Variants in GPR35 observed in about 807,000 individuals in gnomAD.
GPR35 encodes the protein KYNA receptor.
For synonymous variants in GPR35, 207 were observed against 198.4 expected (o/e 1.04, Z -0.36); for missense variants, 372 against 422.5 (o/e 0.88, Z 1.05).
rs949063072 is a variant in GPR35 at position 240,617,391 on chromosome 2, G to A, written c.-151G>A. ...CTGTGGTTTTAATCTTCTCATTTTA[G>A]AGGTAATTTTTTTGTGTAGCAATAG... On this transcript the variant is annotated splice_region_variant and 5_prime_UTR_variant, in exon 4 of 6. Transcript: ENST00000319838. 4.8e-6 allele frequency: 3 copies of A among 620,322 alleles called. No homozygotes were observed. In the African/African-American group the frequency reaches 5.6e-5, roughly 11 times the overall value. The allele number at this position is 620,322 out of a possible 1,614,324, so 38.4% of individuals were successfully genotyped here. A position where few individuals can be genotyped will look rare whatever the true frequency, so the allele number is the denominator to read the frequency against.
At position 240,615,349 on chromosome 2, in the gene GPR35, A is replaced by C. The variant is rs547322903; in HGVS notation, c.-576-1039A>C. 2.0e-5 allele frequency among the ~76,000 whole-genome samples: 3 copies of C among 152,242 alleles called. No individual in the cohort carries two copies. The South Asian group carries it at 6.2e-4, about 32-fold the overall frequency. The stretch of plus-strand genomic sequence containing the variant: ...TTTCCCCTGCCTGTGATGCTTAGGG[A>C]TCGTTCATTTCAGGGCCAGTGAGGA... On this transcript the variant is annotated intron_variant, in intron 2 of 5. Coordinates refer to the GPR35 transcript ENST00000319838.
At chr2:240,616,480 G>A in exon 3 of GPR35, 1 of 780,720 alleles carries the variant, frequency 1.3e-6, no homozygotes. Context: ...CCTGTCGACT[G>A]CGAGTCAGCT....
chr2:240,608,557 G>A lies in GPR35; in HGVS notation c.-577+1945G>A, dbSNP rs1019341115. Among the ~76,000 whole-genome samples the A allele has an allele frequency of 6.6e-5, 10 of 152,110 alleles. 1 individual carries two copies. The highest frequency in any genetic ancestry group is 6.6e-4 in the Admixed American group (10 of 15,266). ...TTTACCATTTATTCTATTAATTGAT[G>A]TTCTAATGCTAAAATAAACCTTTTA... On this transcript the variant is annotated intron_variant, in intron 2 of 5. Coordinates refer to the GPR35 transcript ENST00000319838.
At chr2:240,624,334 C>T (rs1385857511), upstream of GPR35, among the ~76,000 whole-genome samples, 1 of 152,072 alleles carries the variant, frequency 6.6e-6, no homozygotes, top group Admixed American at 6.5e-5. Context: ...ACACTGGGGA[C>T]TGGGCCTGGA....
At chr2:240,616,655 C>A in intron 3 of GPR35, 1 of 668,864 alleles carries the variant, frequency 1.5e-6, no homozygotes, top group African/African-American at 1.8e-5. Flanking sequence ...CAAGAGACCC[C>A]CCAGTGGGTG....
chr2:240,624,267 G>A (rs1329892546), upstream of GPR35, among the ~76,000 whole-genome samples: 1 of 148,608 alleles, frequency 6.7e-6, no homozygotes, highest in African/African-American at 2.4e-5. Flanking sequence ...CGAGGATGAG[G>A]CCCCTCTCCA....
chr2:240,617,200 A>G, exon 4 of GPR35: 3 of 698,894 alleles, frequency 4.3e-6, no homozygotes, highest in East Asian at 2.7e-5. Flanking sequence ...AACTCTACCA[A>G]CAGCCACCTG....
chr2:240,611,219 C>T (rs745553777), intron 2 of GPR35, among the ~76,000 whole-genome samples: 18 of 152,094 alleles, frequency 1.2e-4, no homozygotes, highest in East Asian at 1.9e-4. Context: ...CCACCCACCT[C>T]GGCCTCACAA....
chr2:240,606,013 G>A (rs2043131614), intron 1 of GPR35, among the ~76,000 whole-genome samples: 1 of 152,176 alleles, frequency 6.6e-6, no homozygotes, highest in Non-Finnish European at 1.5e-5. Flanking sequence ...GGGGAGCTCA[G>A]ACCATGGCTG....
chr2:240,619,708 G>A (rs555478065), intron 5 of GPR35, among the ~76,000 whole-genome samples: 24 of 152,304 alleles, frequency 1.6e-4, no homozygotes, highest in East Asian at 9.7e-4. Flanking sequence ...CACACACTCC[G>A]CTCTCAAGAG....
chr2:240,630,141 G>A lies in GPR35; in HGVS notation c.189G>A (p.Ala63=), dbSNP rs201529824. ...TETRIYMTNL[A]VADLCLLCTL... ...CCCGCATCTACATGACCAACCTGGCGGTGGCCGACCTCTGCCTGCTGTGCA... is the reference window on the plus strand; with the variant it reads ...CCCGCATCTACATGACCAACCTGGCAGTGGCCGACCTCTGCCTGCTGTGCA... The change falls in exon 2 of 2, where the codon GCG becomes GCA. Residue 63 remains alanine, a synonymous_variant. Transcript: ENST00000407714. The A allele has an allele frequency of 4.1e-5, 66 of 1,602,114 alleles. No individual in the cohort carries two copies. The East Asian group carries it at 4.9e-4, about 12-fold the overall frequency.
At position 240,630,619 on chromosome 2, in the gene GPR35, C is replaced by T. The variant is rs2043433693; in HGVS notation, c.667C>T (p.Leu223Phe). The T allele has an allele frequency of 3.7e-6, 6 of 1,612,810 alleles. No individual in the cohort carries two copies. Among genetic ancestry groups the T allele is most frequent in the Non-Finnish European group, 5.1e-6 (6 of 1,180,012 alleles). ...RKAARMVWAN[L>F]LVFVVCFLPL... ...GGCTGCCCGCATGGTCTGGGCCAAC[C>T]TCCTGGTGTTCGTGGTCTGCTTCCT... The change falls in exon 2 of 2, where the codon CTC becomes TTC. Residue 223 changes from leucine to phenylalanine, a missense_variant. Leu to Phe is a conservative substitution (Grantham distance 22). Transcript: ENST00000407714.
At chr2:240,626,327 C>T (rs1421861504) in intron 1 of GPR35, among the ~76,000 whole-genome samples, 4 of 50,864 alleles carry the variant, frequency 7.9e-5, no homozygotes, top group Admixed American at 3.3e-4. Context: ...GAGGCTGTGA[C>T]GGGGTCTCAG....
At chr2:240,627,857 A>C (rs2043396473) in intron 1 of GPR35, 1 of 151,774 alleles carries the variant, frequency 6.6e-6, no homozygotes, top group Admixed American at 6.6e-5. Flanking sequence ...GTGACCTGAG[A>C]GCCCCTTGGC....
chr2:240,608,981 C>T (rs1358794618), intron 2 of GPR35, among the ~76,000 whole-genome samples: 2 of 152,086 alleles, frequency 1.3e-5, no homozygotes, highest in African/African-American at 4.8e-5. Flanking sequence ...AGATGTTTTT[C>T]CATTTCATCA....
chr2:240,627,454 G>A (rs12477906), intron 1 of GPR35: 112,508 of 151,930 alleles, frequency 0.74, 42,351 homozygotes, highest in East Asian at 1. Flanking sequence ...AAATTTAAAT[G>A]TTGTAGTTAG....
chr2:240,622,497 T>C (rs932012776), upstream of GPR35, among the ~76,000 whole-genome samples: 1 of 152,160 alleles, frequency 6.6e-6, no homozygotes, highest in African/African-American at 2.4e-5. Flanking sequence ...GGGCCAAACA[T>C]GAAATACACT....
At chr2:240,610,350 C>T (rs879911527) in intron 2 of GPR35, among the ~76,000 whole-genome samples, 6 of 152,114 alleles carry the variant, frequency 3.9e-5, no homozygotes, top group Non-Finnish European at 5.9e-5. Context: ...ATAATTAATG[C>T]TTGCATTTTA....
chr2:240,613,271 A>G (rs886200093), intron 2 of GPR35, among the ~76,000 whole-genome samples: 1 of 152,122 alleles, frequency 6.6e-6, no homozygotes, highest in Non-Finnish European at 1.5e-5. Flanking sequence ...GAGTGAGCAG[A>G]GAGGACAGCA....
Sources: allele counts gnomAD v4.1 joint callset (sites outside exome capture counted in the v4.1 genomes callset), GRCh38; gene constraint gnomAD v4.1.1; transcripts MANE v1.5; gene names NCBI Gene and HGNC (gene_info 2026-07-23, HGNC 2026-07-21).